The following DNMT3A variants were observed in gnomAD, a reference collection of about 807,000 sequenced individuals.
The protein encoded by DNMT3A is DNA (cytosine-5)-methyltransferase 3A.
In DNMT3A, 267 loss-of-function variants were observed where a neutral mutation model predicts 117.6. The observed-to-expected ratio is 2.27, with a 90% confidence interval of 2.05 to 2.51. The LOEUF (loss-of-function observed/expected upper bound fraction) is 2.51, where lower values mean the gene tolerates loss of function less well. Ranked by LOEUF, DNMT3A falls within the 30% of genes most tolerant of loss-of-function variation. The pLI is 0.00. For synonymous variants in DNMT3A, 432 were observed against 474.8 expected, an observed-to-expected ratio of 0.91 and a Z score of 1.17; for missense variants, 1,029 against 1,260.2, an observed-to-expected ratio of 0.82 and a Z score of 2.78.
rs1458692279 is a variant in DNMT3A at position 25,247,159 on chromosome 2, C to G, written c.1015-1G>C. The G allele has an allele frequency of 1.2e-6, 2 of 1,613,750 alleles. No individual in the cohort carries two copies. The highest frequency in any genetic ancestry group is 8.5e-7 in the Non-Finnish European group (1 of 1,179,804). On this transcript the variant is annotated splice_acceptor_variant, in intron 8 of 22. Transcript: ENST00000321117. LOFTEE classifies it high-confidence loss of function. The surrounding 1 kb of genome is among the most constrained non-coding windows in gnomAD (Gnocchi z 5.6). ...GCGGCATCAGCTTCTCAACACACAC[C>G]TGGGGGGACAAGCCAGGCCTTGTTT...
rs1014178938 is a variant in DNMT3A at position 25,246,186 on chromosome 2, T to C, written c.1403A>G (p.Lys468Arg). 4.3e-6 allele frequency: 7 copies of C among 1,613,968 alleles called. No homozygotes were observed. Among genetic ancestry groups the C allele is most frequent in the Non-Finnish European group, 5.1e-6 (6 of 1,179,960 alleles). Reference sequence around the variant, plus strand: ...TCTTGTGCGCTCATCAATAATCTCCTTGACCTTGGGCTTCTCCGCTGTGCT... The same window carrying C: ...TCTTGTGCGCTCATCAATAATCTCCCTGACCTTGGGCTTCTCCGCTGTGCT... ...RKSTAEKPKV[K>R]EIIDERTRER... Residue 468 changes from lysine (K) to arginine (R), a missense_variant, in exon 11 of 23, where the codon AAG becomes AGG. Lys to Arg is a conservative substitution (Grantham distance 26, BLOSUM62 2). Coordinates refer to ENST00000321117, the MANE Select transcript of DNMT3A (RefSeq NM_022552.5).
chr2:25,287,471 G>A (rs1473937593), intron 3 of DNMT3A, among the ~76,000 whole-genome samples: 6 of 152,174 alleles, frequency 3.9e-5, no homozygotes, highest in African/African-American at 9.6e-5. Context: ...GGGTCCCTCC[G>A]AGTTTGCCAA....
intron 12 of DNMT3A, among the ~76,000 whole-genome samples, chr2:25,245,672 T>C (rs1674668714): frequency 6.6e-6 from 1 of 152,194 alleles, no homozygotes; most frequent in Admixed American, 6.5e-5. Context: ...CCGAGGGTCC[T>C]GAGCCAGATC....
chr2:25,255,083 C>T (rs916141856), intron 6 of DNMT3A, among the ~76,000 whole-genome samples: 1 of 152,226 alleles, frequency 6.6e-6, no homozygotes, highest in African/African-American at 2.4e-5. Flanking sequence ...CATCTTTCTT[C>T]CCTCTCCTGT....
intron 1 of DNMT3A, among the ~76,000 whole-genome samples, chr2:25,322,181 G>A (rs898765600): frequency 3.3e-5 from 5 of 152,120 alleles, no homozygotes; most frequent in African/African-American, 4.8e-5. Context: ...AGTACTATTC[G>A]ACTTCTTAAA....
In DNMT3A at chr2:25,339,499, A is replaced by G. The variant is rs2035332668; in HGVS notation, c.-178+2327T>C. Among the ~76,000 whole-genome samples, 1 of 152,184 alleles carries G rather than the reference A, an allele frequency of 6.6e-6. No individual in the cohort carries two copies. The highest frequency in any genetic ancestry group is 1.5e-5 in the Non-Finnish European group (1 of 68,016). On this transcript the variant is annotated intron_variant, in intron 1 of 22. Coordinates refer to ENST00000321117, the MANE Select transcript of DNMT3A (RefSeq NM_022552.5). The surrounding 1 kb of genome is among the most constrained non-coding windows in gnomAD (Gnocchi z 4.9). ...AGCTGCTTATCTGGGGAGGAGCTGC[A>G]CAGAGGAGGGGGACCCACCAGGGAG... is the stretch of plus-strand genomic sequence containing the variant.
Position 25,335,650 on chromosome 2 carries a change from A to G in DNMT3A, c.-178+6176T>C, listed in dbSNP as rs556027179. Among the ~76,000 whole-genome samples, 13 of 152,320 alleles carry G rather than the reference A, an allele frequency of 8.5e-5. 1 individual carries two copies. The East Asian group carries it at 2.5e-3, about 29-fold the overall frequency. On this transcript the variant is annotated intron_variant, in intron 1 of 22. Coordinates refer to ENST00000321117, the MANE Select transcript of DNMT3A (RefSeq NM_022552.5). ...CCCCTCCCCTTTCATTATAGTAAGA[A>G]GAGCATTAGACTAGGAGTCAGGAGA... is the stretch of plus-strand genomic sequence containing the variant.
intron 4 of DNMT3A, among the ~76,000 whole-genome samples, chr2:25,277,425 TGGCGGCCTGGG>T (rs1327982499): frequency 8.6e-5 from 13 of 151,786 alleles, no homozygotes; most frequent in South Asian, 2.1e-4. Context: ...CGCGATCAGG[TGGCGGCCTGGG>T]GGCGGCCTGG....
At chr2:25,292,406 C>T (rs181476980) in intron 3 of DNMT3A, among the ~76,000 whole-genome samples, 8 of 152,244 alleles carry the variant, frequency 5.3e-5, no homozygotes, top group Admixed American at 2.0e-4. Context: ...AGATCCCATA[C>T]GTTAAGTAAA....
chr2:25,320,645 G>C (rs567859341), intron 1 of DNMT3A, among the ~76,000 whole-genome samples: 1 of 151,934 alleles, frequency 6.6e-6, no homozygotes, highest in Non-Finnish European at 1.5e-5. Flanking sequence ...ATTAACTTCA[G>C]GGAAAAAAAA....
intron 6 of DNMT3A, among the ~76,000 whole-genome samples, chr2:25,255,984 G>A (rs1244643894): frequency 6.6e-6 from 1 of 152,148 alleles, no homozygotes; most frequent in African/African-American, 2.4e-5. Context: ...GGCAGGATGA[G>A]GGTAGATGAT....
Position 25,230,780 on chromosome 2 carries a change from C to T in DNMT3A, c.*3499G>A, listed in dbSNP as rs918997567. ...AGAAAAGCTGGTGATTGTTAACTCT[C>T]GTCCCTGCAAGGGGGGGGGGGGGGG... On this transcript the variant is annotated 3_prime_UTR_variant, in exon 23 of 23. Transcript: ENST00000321117. 8.4e-6 allele frequency: 1 copy of T among 119,442 alleles called. No homozygotes were observed. Among genetic ancestry groups the T allele is most frequent in the African/African-American group, 3.5e-5 (1 of 28,544 alleles). The allele number at this position is 119,442 out of a possible 1,614,324, so 7.4% of individuals were successfully genotyped here.
In DNMT3A at chr2:25,244,550, TG is replaced by T. The variant is rs1674498519; in HGVS notation, c.1656del (p.Asn552LysfsTer99). Reference protein sequence around the residue: ...GGREVLMCGNNNCCRCFCVEC... With the variant: ...GGREVLMCGNXNCCRCFCVEC... ...CCACAACAGCCTCACCTGCAGCAGTTGTTGTTTCCGCACATGAGCACCTCAC... is the reference window on the plus strand; with the variant it reads ...CCACAACAGCCTCACCTGCAGCAGTTTTGTTTCCGCACATGAGCACCTCAC... On this transcript the variant is annotated frameshift_variant, in exon 14 of 23. Coordinates refer to ENST00000321117, the MANE Select transcript of DNMT3A (RefSeq NM_022552.5). LOFTEE classifies it high-confidence loss of function. The T allele has an allele frequency of 3.1e-6, 5 of 1,613,960 alleles. No individual in the cohort carries two copies. The highest frequency in any genetic ancestry group is 4.2e-6 in the Non-Finnish European group (5 of 1,179,962).
intron 17 of DNMT3A, 61 bp from the exon 18 acceptor site, chr2:25,240,791 AAG>A (rs1673937278): frequency 1.3e-6 from 2 of 1,531,392 alleles, no homozygotes; most frequent in Non-Finnish European, 1.8e-6. Context: ...GACAGGAAGA[AAG>A]AGAAATTATC....
At chr2:25,284,785 TC>T (rs2032175902) in intron 3 of DNMT3A, among the ~76,000 whole-genome samples, 1 of 150,512 alleles carries the variant, frequency 6.6e-6, no homozygotes, top group Non-Finnish European at 1.5e-5. Flanking sequence ...TCAGTGAGCA[TC>T]CTTTCCAGAT....
At chr2:25,245,927 C>T (rs1306356511) in intron 12 of DNMT3A, 93 bp downstream of exon 12, 2 of 1,526,090 alleles carry the variant, frequency 1.3e-6, no homozygotes, top group Non-Finnish European at 1.8e-6. Flanking sequence ...GACGTGGCCC[C>T]TGGTCCCATG....
intron 13 of DNMT3A, 113 bp from the exon 14 acceptor site, chr2:25,244,765 C>T (rs1200989171): frequency 1.1e-5 from 9 of 846,116 alleles, no homozygotes; most frequent in Non-Finnish European, 1.7e-5. Context: ...GACATGACCC[C>T]GCCACCACCT....
chr2:25,321,172 T>TA (rs879295575), intron 1 of DNMT3A, among the ~76,000 whole-genome samples: 3,034 of 141,806 alleles, frequency 0.021, 84 homozygotes, highest in African/African-American at 0.071. Flanking sequence ...AAGTCAGTAG[T>TA]AAAAAAAAAA....
chr2:25,272,977 A>AT (rs70947875), intron 6 of DNMT3A, among the ~76,000 whole-genome samples: 4,497 of 106,464 alleles, frequency 0.042, 205 homozygotes, highest in Non-Finnish European at 0.05. Flanking sequence ...AATTGTTTGT[A>AT]TTTTTTTTTT....
Sources: allele counts gnomAD v4.1 joint callset (sites outside exome capture counted in the v4.1 genomes callset), GRCh38; gene constraint gnomAD v4.1.1; non-coding constraint Gnocchi (gnomAD v3.1); transcripts MANE v1.5; gene names NCBI Gene and HGNC (gene_info 2026-07-23, HGNC 2026-07-21).